The following ZNF827 variants were observed in gnomAD, a reference collection of about 807,000 sequenced individuals.
The protein encoded by ZNF827 is zinc finger protein 827.
Under a neutral mutation model 102.4 loss-of-function variants are expected in ZNF827, and 13 were observed. The observed-to-expected ratio is 0.13, with a 90% CI of 0.08 to 0.20. The LOEUF is 0.20. ZNF827 is among the 10% of genes least tolerant of loss of function. ZNF827 has a pLI of 1.00. For synonymous variants in ZNF827, 523 were observed against 536.2 expected (o/e 0.98, Z 0.34); for missense variants, 1,103 against 1,344.4 (o/e 0.82, Z 2.81).
At position 145,902,654 on chromosome 4, in the gene ZNF827, G is replaced by A; in HGVS notation, c.605C>T (p.Thr202Ile). ...NQGKWLPNSTTTCSLSPDSAI... is the reference protein window; with the variant it reads ...NQGKWLPNSTITCSLSPDSAI... ...TGAATCCGGAGACAAGCTGCAGGTG[G>A]TGGTTGAGTTTGGCAACCACTTACC... is the stretch of plus-strand genomic sequence containing the variant. The change falls in exon 2 of 15, where the codon ACC becomes ATC. Residue 202 changes from threonine (T) to isoleucine (I), a missense_variant. Coordinates refer to ENST00000508784, the MANE Select transcript of ZNF827 (RefSeq NM_001306215.2). This position sits in a 1 kb window ranked among gnomAD's most constrained non-coding sequence, Gnocchi z 4.3. The A allele has an allele frequency of 1.2e-6, 2 of 1,614,018 alleles. No homozygotes were observed. The highest frequency in any genetic ancestry group is 8.5e-7 in the Non-Finnish European group (1 of 1,180,034).
chr4:145,788,703 G>C (rs1231644941), intron 8 of ZNF827, among the ~76,000 whole-genome samples: 1 of 152,148 alleles, frequency 6.6e-6, no homozygotes, highest in African/African-American at 2.4e-5. Context: ...AAAGGACCTG[G>C]TTATTATCTT....
chr4:145,889,695 G>C (rs1459325069), intron 3 of ZNF827, among the ~76,000 whole-genome samples: 1 of 151,952 alleles, frequency 6.6e-6, no homozygotes, highest in Non-Finnish European at 1.5e-5. Context: ...ATCTGTCCAC[G>C]GCCGGGTGCA....
At position 145,902,645 on chromosome 4, in the gene ZNF827, C is replaced by G. The variant is rs376372736; in HGVS notation, c.614G>C (p.Ser205Thr). Residue 205 changes from serine to threonine, a missense_variant, in exon 2 of 15, where the codon AGC becomes ACC. Ser to Thr is a moderately conservative substitution (Grantham distance 58). Transcript: ENST00000508784. The surrounding 1 kb of genome is among the most constrained non-coding windows in gnomAD (Gnocchi z 4.3). The part of the protein sequence containing the change: ...KWLPNSTTTC[S>T]LSPDSAILKL... ...TAGGATGGCTGAATCCGGAGACAAG[C>G]TGCAGGTGGTGGTTGAGTTTGGCAA... 2.2e-5 allele frequency: 36 copies of G among 1,614,018 alleles called. No homozygotes were observed. In the African/African-American group the frequency reaches 3.3e-4, roughly 15 times the overall value.
At chr4:145,880,982 T>C (rs1199707503) in intron 4 of ZNF827, among the ~76,000 whole-genome samples, 1 of 152,238 alleles carries the variant, frequency 6.6e-6, no homozygotes, top group Non-Finnish European at 1.5e-5. Flanking sequence ...GAGGATGACT[T>C]AGTTCAATGG....
chr4:145,908,322 T>C (rs1347953276), intron 1 of ZNF827, among the ~76,000 whole-genome samples: 1 of 152,204 alleles, frequency 6.6e-6, no homozygotes, highest in African/African-American at 2.4e-5. Flanking sequence ...GAACAGGACT[T>C]GAATTCTTAG....
At chr4:145,900,933 T>C (rs766480582) in intron 2 of ZNF827, among the ~76,000 whole-genome samples, 1 of 152,220 alleles carries the variant, frequency 6.6e-6, no homozygotes, top group Non-Finnish European at 1.5e-5. Flanking sequence ...AGGATTTTAC[T>C]GACATTTCAG....
chr4:145,899,045 G>C (rs1242428979), intron 2 of ZNF827, among the ~76,000 whole-genome samples: 5 of 152,004 alleles, frequency 3.3e-5, no homozygotes, highest in African/African-American at 1.2e-4. Flanking sequence ...GTTGTTCTTG[G>C]GGGCGGTTAT....
intron 4 of ZNF827, among the ~76,000 whole-genome samples, chr4:145,874,415 G>T (rs1358691454): frequency 6.6e-6 from 1 of 152,156 alleles, no homozygotes; most frequent in Non-Finnish European, 1.5e-5. Flanking sequence ...AAACATTTGG[G>T]TCTCAATAGA....
chr4:145,934,126 A>G (rs1481065104), intron 1 of ZNF827, among the ~76,000 whole-genome samples: 1 of 152,224 alleles, frequency 6.6e-6, no homozygotes, highest in African/African-American at 2.4e-5. Context: ...TCCCAAAATG[A>G]TAATTACTGC....
At position 145,902,440 on chromosome 4, in the gene ZNF827, T is replaced by A; in HGVS notation, c.819A>T (p.Pro273=). The A allele has an allele frequency of 6.2e-7, 1 of 1,614,192 alleles. No homozygotes were observed. Among genetic ancestry groups the A allele is most frequent in the Non-Finnish European group, 8.5e-7 (1 of 1,180,040 alleles). ...CCAGGGAAAGGAAGGAGCTGGCCGG[T>A]GGAGGGTGCTCCTGACCAGGAGTCA... The part of the protein sequence containing the change: ...RSLTPGQEHP[P]PASSFLSLAS... The change falls in exon 2 of 15, where the codon CCA becomes CCT. Residue 273 remains proline (P), a synonymous_variant. Coordinates refer to ENST00000508784, the MANE Select transcript of ZNF827 (RefSeq NM_001306215.2). This position sits in a 1 kb window ranked among gnomAD's most constrained non-coding sequence, Gnocchi z 4.3.
intron 8 of ZNF827, among the ~76,000 whole-genome samples, chr4:145,780,915 C>T (rs766450189): frequency 1.3e-5 from 2 of 152,170 alleles, no homozygotes; most frequent in Non-Finnish European, 2.9e-5. Context: ...AAAATGCTCA[C>T]GCTGGGTGCA....
intron 1 of ZNF827, among the ~76,000 whole-genome samples, chr4:145,938,105 C>G (rs1300031936): frequency 2.7e-5 from 4 of 148,874 alleles, no homozygotes; most frequent in Non-Finnish European, 3.0e-5. Context: ...AAAAAAAGCC[C>G]GATCTCAAGG....
chr4:145,923,332 C>T (rs1416261544), intron 1 of ZNF827, among the ~76,000 whole-genome samples: 3 of 151,844 alleles, frequency 2.0e-5, no homozygotes, highest in African/African-American at 4.8e-5. Flanking sequence ...AGGCCAGGTG[C>T]GGAGGCTCAT....
intron 7 of ZNF827, among the ~76,000 whole-genome samples, chr4:145,826,891 C>T (rs1743738572): frequency 6.6e-6 from 1 of 152,152 alleles, no homozygotes; most frequent in African/African-American, 2.4e-5. Context: ...GGATTACAGG[C>T]GTGTGCCACC....
At chr4:145,875,839 C>G (rs774574086) in intron 4 of ZNF827, among the ~76,000 whole-genome samples, 1 of 152,090 alleles carries the variant, frequency 6.6e-6, no homozygotes, top group Non-Finnish European at 1.5e-5. Flanking sequence ...AAACAGTGTT[C>G]CAAGGAACCC....
chr4:145,864,292 A>G (rs183032925), intron 5 of ZNF827, among the ~76,000 whole-genome samples: 158 of 152,010 alleles, frequency 1.0e-3, no homozygotes, highest in Middle Eastern at 3.4e-3. Context: ...GGCCAGGCAT[A>G]GTAGCTCACA....
intron 8 of ZNF827, among the ~76,000 whole-genome samples, chr4:145,808,682 C>T (rs1364566224): frequency 6.6e-6 from 1 of 152,234 alleles, no homozygotes; most frequent in Non-Finnish European, 1.5e-5. Flanking sequence ...TTCTACTTTG[C>T]AAATACCACT....
chr4:145,817,848 A>G (rs2126453261), intron 8 of ZNF827, among the ~76,000 whole-genome samples: 1 of 152,268 alleles, frequency 6.6e-6, no homozygotes, highest in Non-Finnish European at 1.5e-5. Flanking sequence ...CCAGATCATC[A>G]CTAAACTCAG....
intron 8 of ZNF827, among the ~76,000 whole-genome samples, chr4:145,800,623 C>T (rs1740806651): frequency 6.6e-6 from 1 of 152,178 alleles, no homozygotes; most frequent in Admixed American, 6.5e-5. Context: ...TTTATGTACA[C>T]ATCTGCCAAC....
Sources: allele counts gnomAD v4.1 joint callset (sites outside exome capture counted in the v4.1 genomes callset), GRCh38; gene constraint gnomAD v4.1.1; non-coding constraint Gnocchi (gnomAD v3.1); transcripts MANE v1.5; gene names NCBI Gene and HGNC (gene_info 2026-07-23, HGNC 2026-07-21).